The following AOX1 variants were observed in gnomAD, a reference collection of about 807,000 sequenced individuals.
AOX1 encodes aldehyde oxidase.
Under a neutral mutation model 169.5 loss-of-function variants are expected in AOX1, and 153 were observed. The observed-to-expected ratio is 0.90, with a 90% CI of 0.79 to 1.03. AOX1 has a LOEUF of 1.03. Ranked by LOEUF, AOX1 falls within the 50% of genes least tolerant of loss-of-function variation. AOX1 has a pLI of 0.00. For missense variants in AOX1, 1,656 were observed against 1,663.9 expected (o/e 1.00, Z 0.08); for synonymous variants, 562 against 581.9 (o/e 0.97, Z 0.49).
At chr2:200,676,614 A>AAAAAG (rs1553582555) in intron 4 of AOX1, among the ~76,000 whole-genome samples, 9 of 148,462 alleles carry the variant, frequency 6.1e-5, no homozygotes, top group African/African-American at 1.8e-4. Flanking sequence ...AAAAAAAAAA[A>AAAAAG]AAGAAGAAGA....
At position 200,595,274 on chromosome 2, in the gene AOX1, C is replaced by T. The variant is rs754596150; in HGVS notation, c.106C>T (p.Arg36Ter). Residue 36 changes from arginine to a stop codon, truncating the protein, a stop_gained and splice_region_variant, in exon 3 of 35, where the codon CGA becomes TGA. Transcript: ENST00000374700. LOFTEE classifies it high-confidence loss of function. ...ATCTTTAACTATACCTCTTCCAGTT[C>T]GACTCACAGGAACTAAGTATGGCTG... ...MLLPYLRKKL[R>*]LTGTKYGCGG... 7.4e-6 allele frequency: 12 copies of T among 1,611,236 alleles called. No individual in the cohort carries two copies. Among genetic ancestry groups the T allele is most frequent in the Admixed American group, 6.7e-5 (4 of 59,858 alleles).
intron 20 of AOX1, among the ~76,000 whole-genome samples, chr2:200,633,105 A>G (rs1045905951): frequency 6.6e-6 from 1 of 151,916 alleles, no homozygotes; most frequent in Non-Finnish European, 1.5e-5. Context: ...CCACGAAAGT[A>G]CTTTTCTCCT....
At chr2:200,621,525 G>A (rs1286129345) in intron 18 of AOX1, among the ~76,000 whole-genome samples, 1 of 152,050 alleles carries the variant, frequency 6.6e-6, no homozygotes, top group Admixed American at 6.6e-5. Flanking sequence ...AAATGAAGAT[G>A]GAATAATGGT....
chr2:200,656,312 A>AC (rs2035682357), intron 26 of AOX1, among the ~76,000 whole-genome samples: 1 of 92,444 alleles, frequency 1.1e-5, no homozygotes, highest in Non-Finnish European at 2.7e-5. Flanking sequence ...CTTGTTAATT[A>AC]TAAAAACATG....
At chr2:200,600,956 C>T (rs1415369017) in intron 5 of AOX1, among the ~76,000 whole-genome samples, 2 of 151,834 alleles carry the variant, frequency 1.3e-5, no homozygotes, top group Non-Finnish European at 2.9e-5. Flanking sequence ...GTGGGAGAAA[C>T]GCTGGCCTGA....
intron 16 of AOX1, 116 bp from the exon 17 acceptor site, chr2:200,620,533 AG>A: frequency 1.0e-6 from 1 of 987,560 alleles, no homozygotes; most frequent in East Asian, 3.1e-5. Context: ...CATATGCAAA[AG>A]TATTCTGGTT....
intron 13 of AOX1, 37 bp from the exon 14 acceptor site, chr2:200,612,572 A>C: frequency 6.2e-7 from 1 of 1,602,890 alleles, no homozygotes; most frequent in Non-Finnish European, 8.5e-7. Flanking sequence ...GGTGATGCTC[A>C]GTGTTTCTAC....
rs770837985 is a variant in AOX1 at position 200,656,853 on chromosome 2, G to T, written c.3087G>T (p.Leu1029Phe). The T allele has an allele frequency of 1.3e-6, 2 of 1,579,802 alleles. No individual in the cohort carries two copies. Among genetic ancestry groups the T allele is most frequent in the South Asian group, 2.4e-5 (2 of 84,086 alleles). ...TCTTTTCTGCTCAGGCTGCTGCCTT[G>T]GTTCACATTTATCTTGATGGCTCTG... Reference protein sequence around the residue: ...GSRAAGQAAALVHIYLDGSVL... With the variant: ...GSRAAGQAAAFVHIYLDGSVL... The change falls in exon 27 of 35, where the codon TTG (leucine) becomes TTT (phenylalanine). Residue 1029 changes from leucine (L) to phenylalanine (F), a missense_variant. Leu to Phe is a conservative substitution (Grantham distance 22). Transcript: ENST00000374700.
intron 20 of AOX1, among the ~76,000 whole-genome samples, chr2:200,632,553 G>T (rs1229820810): frequency 1.3e-5 from 2 of 151,898 alleles, no homozygotes; most frequent in African/African-American, 4.8e-5. Flanking sequence ...AGAGGAGAAA[G>T]AAAGTCTATT....
In AOX1 at chr2:200,668,657, G is replaced by C. The variant is rs745639673; in HGVS notation, c.3652G>C (p.Glu1218Gln). Residue 1218 changes from glutamate to glutamine, a missense_variant, in exon 33 of 35, where the codon GAG becomes CAG. Transcript: ENST00000374700. ...FIQGMGLYTI[E>Q]ELNYSPQGIL... ...TCAAGGCATGGGACTTTATACAATAGAGGAACTGAATTATTCTCCCCAGGG... is the reference window on the plus strand; with the variant it reads ...TCAAGGCATGGGACTTTATACAATACAGGAACTGAATTATTCTCCCCAGGG... 6.2e-7 allele frequency: 1 copy of C among 1,613,988 alleles called. No individual in the cohort carries two copies. The highest frequency in any genetic ancestry group is 1.1e-5 in the South Asian group (1 of 91,030).
intron 5 of AOX1, 41 bp downstream of exon 5, chr2:200,599,787 T>C: frequency 7.4e-7 from 1 of 1,353,144 alleles, no homozygotes; most frequent in Non-Finnish European, 9.6e-7. Context: ...AATTTTTATT[T>C]ATTTATTTAT....
At chr2:200,678,158 G>A (rs2105784341), downstream of AOX1, 1 of 152,356 alleles carries the variant, frequency 6.6e-6, no homozygotes, top group South Asian at 2.1e-4. Context: ...CTAGTGGATT[G>A]TACGAATGTT....
At position 200,663,572 on chromosome 2, in the gene AOX1, A is replaced by ACTCT. The variant is rs1226325589; in HGVS notation, c.3543+625_3543+628dup. On this transcript the variant is annotated intron_variant, in intron 31 of 34. Coordinates refer to ENST00000374700, the MANE Select transcript of AOX1 (RefSeq NM_001159.4). ...CACACACACACACACACACACACAC[A>ACTCT]CTCTCTCTCTCTCTCTCTCTCTCTC... 6.8e-4 allele frequency among the ~76,000 whole-genome samples: 71 copies of ACTCT among 105,132 alleles called. 1 individual carries two copies. The highest frequency in any genetic ancestry group is 1.7e-3 in the African/African-American group (46 of 26,352). The allele number at this position is 105,132 out of a possible 152,430, so 69.0% of individuals were successfully genotyped here.
chr2:200,620,198 A>AGTTTTT lies in AOX1; in HGVS notation c.1705-452_1705-451insGTTTTT, dbSNP rs370920216. ...TATTGTCTTGGTGTTATTAATAGTGACTTTTTTTTTTTTTTTTTTTGATGG... is the reference window on the plus strand; with the variant it reads ...TATTGTCTTGGTGTTATTAATAGTGAGTTTTTCTTTTTTTTTTTTTTTTTTTGATGG... On this transcript the variant is annotated intron_variant, in intron 16 of 34. Coordinates refer to ENST00000374700, the MANE Select transcript of AOX1 (RefSeq NM_001159.4). Among the ~76,000 whole-genome samples the AGTTTTT allele has an allele frequency of 3.3e-5, 4 of 120,912 alleles. 1 individual carries two copies. The allele number at this position is 120,912 out of a possible 152,430, so 79.3% of individuals were successfully genotyped here.
intron 20 of AOX1, among the ~76,000 whole-genome samples, chr2:200,629,141 A>C (rs1019943566): frequency 1.3e-5 from 2 of 152,138 alleles, no homozygotes; most frequent in Non-Finnish European, 2.9e-5. Context: ...GAAGCGTGTC[A>C]GGGGCTGACT....
intron 15 of AOX1, 47 bp from the exon 16 acceptor site, chr2:200,615,923 TG>T: frequency 7.2e-7 from 1 of 1,387,432 alleles, no homozygotes; most frequent in Non-Finnish European, 1.0e-6. Flanking sequence ...AAAATCATTC[TG>T]GTGCATTCAA....
At chr2:200,610,393 A>T (rs1407257401) in intron 12 of AOX1, among the ~76,000 whole-genome samples, 1 of 152,242 alleles carries the variant, frequency 6.6e-6, no homozygotes, top group Non-Finnish European at 1.5e-5. Flanking sequence ...TTAAAGAGGA[A>T]GATTTGCATT....
chr2:200,638,185 G>A, intron 22 of AOX1, 30 bp from the exon 23 acceptor site: 1 of 1,606,736 alleles, frequency 6.2e-7, no homozygotes, highest in South Asian at 1.1e-5. Context: ...GGTAAAAGAG[G>A]TTACCTCACT....
chr2:200,660,090 G>C, intron 29 of AOX1, 21 bp downstream of exon 29: 1 of 1,591,148 alleles, frequency 6.3e-7, no homozygotes, highest in East Asian at 2.2e-5. Flanking sequence ...ATGGTTCTCT[G>C]TATTTTATTT....
Sources: allele counts gnomAD v4.1 joint callset (sites outside exome capture counted in the v4.1 genomes callset), GRCh38; gene constraint gnomAD v4.1.1; transcripts MANE v1.5; gene names NCBI Gene and HGNC (gene_info 2026-07-23, HGNC 2026-07-21).